The following HMGN3 variants were observed in gnomAD, a reference collection of about 807,000 sequenced individuals.
HMGN3 encodes high mobility group nucleosomal binding domain 3.
Under a neutral mutation model 18.8 loss-of-function variants are expected in HMGN3, and 6 were observed. The ratio of observed to expected loss-of-function variants is 0.32; its 90% CI spans 0.18 to 0.63. The LOEUF is 0.63. Ranked by LOEUF, HMGN3 falls within the 30% of genes least tolerant of loss-of-function variation. HMGN3 has a pLI of 0.79. For synonymous variants in HMGN3, 40 were observed against 36.5 expected (o/e 1.10, Z -0.35); for missense variants, 107 against 114.2 (o/e 0.94, Z 0.29).
At chr6:79,227,798 T>C (rs1777634747) in intron 1 of HMGN3, among the ~76,000 whole-genome samples, 1 of 152,184 alleles carries the variant, frequency 6.6e-6, no homozygotes, top group African/African-American at 2.4e-5. Flanking sequence ...TAGTATGAAA[T>C]GATTAAACTT....
intron 1 of HMGN3, among the ~76,000 whole-genome samples, chr6:79,228,330 C>T (rs1015393820): frequency 6.6e-6 from 1 of 152,022 alleles, no homozygotes; most frequent in Non-Finnish European, 1.5e-5. Context: ...AGGTGATGCC[C>T]AATGAATGTT....
intron 1 of HMGN3, among the ~76,000 whole-genome samples, chr6:79,229,438 CTTA>C (rs1201299082): frequency 3.9e-5 from 6 of 152,100 alleles, no homozygotes; most frequent in African/African-American, 9.7e-5. Flanking sequence ...TGAAAAGATG[CTTA>C]TTGTCAGTAG....
At chr6:79,218,042 A>T (rs529754023) in intron 1 of HMGN3, among the ~76,000 whole-genome samples, 1 of 152,232 alleles carries the variant, frequency 6.6e-6, no homozygotes, top group African/African-American at 2.4e-5. Flanking sequence ...ATGGTCAAAT[A>T]AAAAGGTCTC....
chr6:79,208,567 G>T, exon 3 of HMGN3: 1 of 1,610,092 alleles, frequency 6.2e-7, no homozygotes, highest in Non-Finnish European at 8.5e-7. Context: ...CTGGCAGACC[G>T]TCTTGTGGGC....
At chr6:79,212,030 T>C (rs933840081) in intron 2 of HMGN3, among the ~76,000 whole-genome samples, 9 of 114,840 alleles carry the variant, frequency 7.8e-5, no homozygotes, top group African/African-American at 2.5e-4. Flanking sequence ...AAAAGTCAAG[T>C]TGCTTTTAAT....
At chr6:79,234,396 G>A in intron 1 of HMGN3, 150 bp downstream of exon 1, 1 of 702,568 alleles carries the variant, frequency 1.4e-6, no homozygotes, top group South Asian at 1.7e-5. Flanking sequence ...AGGAACGTCT[G>A]CAACAGGCAT....
chr6:79,222,253 ATTACTT>A (rs1174643621), intron 1 of HMGN3, among the ~76,000 whole-genome samples: 4 of 152,202 alleles, frequency 2.6e-5, no homozygotes, highest in Non-Finnish European at 5.9e-5. Context: ...TTTTAAAATT[ATTACTT>A]TTATTGTTTT....
Position 79,228,927 on chromosome 6 carries a change from C to A in HMGN3, c.15+5619G>T, listed in dbSNP as rs200617739. On this transcript the variant is annotated intron_variant, in intron 1 of 5. Transcript: ENST00000344726. ...CAGACCATAAAACATAATTGAGTGT[C>A]CAGAAATAAAGTTTTACATTTATGA... Among the ~76,000 whole-genome samples, 8 of 152,220 alleles carry A rather than the reference C, an allele frequency of 5.3e-5. No homozygotes were observed. In the East Asian group the frequency reaches 1.5e-3, roughly 29 times the overall value.
At chr6:79,224,452 A>G (rs71565032) in intron 1 of HMGN3, among the ~76,000 whole-genome samples, 1 of 152,216 alleles carries the variant, frequency 6.6e-6, no homozygotes, top group Non-Finnish European at 1.5e-5. Flanking sequence ...ATAATAACAA[A>G]CAATAACCTA....
At chr6:79,202,137 T>C (rs911998549) in intron 5 of HMGN3, 2 of 1,560,382 alleles carry the variant, frequency 1.3e-6, no homozygotes, top group Non-Finnish European at 1.7e-6. Context: ...ACATTAACAG[T>C]TGAGCGAGAG....
intron 1 of HMGN3, among the ~76,000 whole-genome samples, chr6:79,227,010 G>A (rs866671018): frequency 7.2e-5 from 11 of 152,116 alleles, no homozygotes; most frequent in African/African-American, 1.2e-4. Context: ...TGTTAACTTC[G>A]ACAGTGATTT....
At chr6:79,212,481 T>C (rs1314615074) in intron 2 of HMGN3, among the ~76,000 whole-genome samples, 1 of 152,222 alleles carries the variant, frequency 6.6e-6, no homozygotes, top group African/African-American at 2.4e-5. Flanking sequence ...TTTTGTTCAC[T>C]GTGGGATCTG....
chr6:79,234,613 G>T lies in HMGN3; in HGVS notation c.-53C>A. The T allele has an allele frequency of 6.3e-6, 10 of 1,586,912 alleles. No homozygotes were observed. In the South Asian group the frequency reaches 1.0e-4, roughly 16 times the overall value. On this transcript the variant is annotated 5_prime_UTR_variant, in exon 1 of 6. Coordinates refer to ENST00000344726, the Ensembl canonical transcript of HMGN3. ...AAAGCAACGGACTGGAACTGCTGGC[G>T]CCGCCGCTGGATGCTGCCTCTGCCT...
chr6:79,201,772 TACTATAAGCAAAGGAAA>T, intron 5 of HMGN3, 46 bp from the exon 7 acceptor site: 1 of 1,589,758 alleles, frequency 6.3e-7, no homozygotes, highest in South Asian at 1.1e-5. Context: ...CTACTGAAAC[TACTATAAGCAAAGGAAA>T]TTCCACCCAC....
intron 1 of HMGN3, among the ~76,000 whole-genome samples, chr6:79,231,400 C>T (rs11759494): frequency 0.33 from 49,460 of 151,938 alleles, 9,550 homozygotes; most frequent in Non-Finnish European, 0.44. Context: ...ACTCACCCAC[C>T]ATCCATTATC....
intron 1 of HMGN3, among the ~76,000 whole-genome samples, chr6:79,220,373 CCCTT>C (rs1325478877): frequency 6.6e-6 from 1 of 152,172 alleles, no homozygotes; most frequent in African/African-American, 2.4e-5. Flanking sequence ...ACATAGTATA[CCCTT>C]CCATTATAAT....
rs772384598 is a variant in HMGN3, at chr6:79,201,659, TA to T, written c.*28del. 6 of 1,461,936 alleles carry T rather than the reference TA, an allele frequency of 4.1e-6. No individual in the cohort carries two copies. In the South Asian group the frequency reaches 6.9e-5, roughly 17 times the overall value. The allele number at this position is 1,461,936 out of a possible 1,614,324, so 90.6% of individuals were successfully genotyped here. On this transcript the variant is annotated 3_prime_UTR_variant, in exon 6 of 6. Coordinates refer to ENST00000344726, the Ensembl canonical transcript of HMGN3. ...TTTAAAAGTTGTCCCAAGAGATACA[TA>T]AAATCAACCCCAATTTTTCATGACA...
chr6:79,213,835 A>G (rs1776820320), intron 2 of HMGN3, among the ~76,000 whole-genome samples: 1 of 152,224 alleles, frequency 6.6e-6, no homozygotes, highest in Non-Finnish European at 1.5e-5. Context: ...GAATCACCCA[A>G]TCAAAGAACC....
intron 1 of HMGN3, among the ~76,000 whole-genome samples, chr6:79,232,982 G>A (rs1777927665): frequency 6.6e-6 from 1 of 152,188 alleles, no homozygotes; most frequent in Non-Finnish European, 1.5e-5. Flanking sequence ...TAAATCTCAA[G>A]TATTAGTGCT....
Sources: gnomAD v4.1 joint callset for allele counts (sites outside exome capture counted in the v4.1 genomes callset) on GRCh38, gnomAD v4.1.1 for gene constraint, MANE v1.5 for transcripts, NCBI Gene and HGNC (gene_info 2026-07-23, HGNC 2026-07-21) for gene names.